The following CEP120 variants were observed in gnomAD, a reference collection of about 807,000 sequenced individuals.
CEP120 encodes centrosomal protein of 120 kDa.
Under a neutral mutation model 126.5 loss-of-function variants are expected in CEP120, and 113 were observed. The ratio of observed to expected loss-of-function variants is 0.89; its 90% CI spans 0.77 to 1.04. The LOEUF is 1.04. CEP120 is among the 50% of genes least tolerant of loss of function. The pLI is 0.00. For synonymous variants in CEP120, 400 were observed against 394.3 expected (o/e 1.01, Z -0.17); for missense variants, 1,230 against 1,155.7 (o/e 1.06, Z -0.93).
At chr5:123,383,148 TC>T in intron 11 of CEP120, 66 bp from the exon 12 acceptor site, 1 of 971,940 alleles carries the variant, frequency 1.0e-6, no homozygotes, top group Non-Finnish European at 1.5e-6. Flanking sequence ...TCCTTTTATT[TC>T]CCCAGTGCTT....
rs753763495 is a variant in CEP120 at position 123,388,529 on chromosome 5, T to A, written c.1333A>T (p.Ile445Phe). Residue 445 changes from isoleucine (I) to phenylalanine (F), a missense_variant, in exon 9 of 20, where the codon ATT becomes TTT. Ile to Phe is a conservative substitution (Grantham distance 21). Transcript: ENST00000306467. ...TGATGTGATGTTGCTGGTACAGCAA[T>A]CTTCTGTCCTGAAGCTACTTCTGAA... Reference protein sequence around the residue: ...NASEVASGQKIAVPATSHHFC... With the variant: ...NASEVASGQKFAVPATSHHFC... 6.9e-5 allele frequency: 111 copies of A among 1,611,208 alleles called. No homozygotes were observed. In the Middle Eastern group the frequency reaches 9.9e-4, roughly 14 times the overall value.
chr5:123,397,823 C>T (rs1772890491), intron 5 of CEP120, among the ~76,000 whole-genome samples: 1 of 152,240 alleles, frequency 6.6e-6, no homozygotes, highest in African/African-American at 2.4e-5. Context: ...GTGGCTCACA[C>T]CTGTAATCCC....
chr5:123,396,710 A>G (rs1329888475), intron 5 of CEP120, among the ~76,000 whole-genome samples: 1 of 152,212 alleles, frequency 6.6e-6, no homozygotes, highest in Non-Finnish European at 1.5e-5. Flanking sequence ...GAGCTAGAAA[A>G]CAGAATGAGA....
chr5:123,354,616 C>T (rs1236854025), intron 18 of CEP120, among the ~76,000 whole-genome samples: 5 of 151,898 alleles, frequency 3.3e-5, no homozygotes, highest in Admixed American at 3.3e-4. Context: ...GGTGGATTAA[C>T]CCCCTTTTAT....
chr5:123,376,298 A>C (rs1771220633), intron 16 of CEP120, among the ~76,000 whole-genome samples: 1 of 152,134 alleles, frequency 6.6e-6, no homozygotes, highest in Non-Finnish European at 1.5e-5. Context: ...GGAACAGAGT[A>C]CACCAGGCCC....
intron 1 of CEP120, among the ~76,000 whole-genome samples, chr5:123,422,006 CCTT>C (rs1227451261): frequency 1.3e-5 from 2 of 152,192 alleles, no homozygotes; most frequent in African/African-American, 2.4e-5. Flanking sequence ...CAAGATGACT[CCTT>C]CTTAACATAC....
intron 18 of CEP120, among the ~76,000 whole-genome samples, chr5:123,353,348 T>C (rs1431447384): frequency 2.0e-5 from 3 of 152,048 alleles, no homozygotes; most frequent in Non-Finnish European, 4.4e-5. Flanking sequence ...CCTTTAATCT[T>C]TGAATGTGGT....
At chr5:123,406,893 T>C (rs1278740611) in intron 4 of CEP120, among the ~76,000 whole-genome samples, 2 of 151,900 alleles carry the variant, frequency 1.3e-5, no homozygotes, top group African/African-American at 2.4e-5. Flanking sequence ...TGTGCACGCA[T>C]GCACATGTGT....
intron 6 of CEP120, among the ~76,000 whole-genome samples, chr5:123,391,707 T>C (rs554622039): frequency 1.3e-5 from 2 of 152,336 alleles, no homozygotes; most frequent in South Asian, 4.1e-4. Flanking sequence ...CATTTTTCTT[T>C]TTCCATTTTA....
Position 123,349,987 on chromosome 5 carries a change from T to C in CEP120, c.2683A>G (p.Thr895Ala). The C allele has an allele frequency of 6.2e-7, 1 of 1,613,808 alleles. No individual in the cohort carries two copies. Among genetic ancestry groups the C allele is most frequent in the Non-Finnish European group, 8.5e-7 (1 of 1,179,886 alleles). ...LAAEEKDTVK[T>A]ERQELLDIRN... is the part of the protein sequence containing the mutation. ...ATATCCAACAATTCTTGTCGCTCGG[T>C]TTTTACTGTATCTTTTTCCTCAGCG... is the stretch of plus-strand genomic sequence containing the variant. The change falls in exon 19 of 20, where the codon ACC becomes GCC. Residue 895 changes from threonine to alanine, a missense_variant. Coordinates refer to ENST00000306467, the MANE Select transcript of CEP120 (RefSeq NM_001375405.1).
intron 18 of CEP120, among the ~76,000 whole-genome samples, chr5:123,359,891 A>C (rs1580642252): frequency 6.6e-6 from 1 of 151,964 alleles, no homozygotes. Flanking sequence ...TCTTCTGGCA[A>C]TGGGCACCAA....
chr5:123,382,636 T>C (rs1771727321), intron 13 of CEP120, 101 bp downstream of exon 13: 1 of 1,050,710 alleles, frequency 9.5e-7, no homozygotes, highest in South Asian at 2.2e-5. Context: ...AGAAGTTAGA[T>C]AAGGTACCTA....
At chr5:123,398,729 A>G (rs1772971833) in intron 5 of CEP120, among the ~76,000 whole-genome samples, 1 of 152,232 alleles carries the variant, frequency 6.6e-6, no homozygotes, top group Non-Finnish European at 1.5e-5. Flanking sequence ...TTATTAGTTT[A>G]TAAACAAGAT....
chr5:123,378,952 C>A (rs918576411), intron 14 of CEP120, among the ~76,000 whole-genome samples: 2 of 151,220 alleles, frequency 1.3e-5, no homozygotes, highest in African/African-American at 2.4e-5. Context: ...GCCAATAAAG[C>A]CAACATGAGG....
chr5:123,372,875 C>T (rs1157212878), intron 16 of CEP120, 103 bp from the exon 17 acceptor site: 2 of 887,758 alleles, frequency 2.3e-6, no homozygotes, highest in Admixed American at 3.2e-5. Context: ...ACAGCATGCT[C>T]ATAGTAGAAA....
At chr5:123,368,771 A>G (rs1299478846) in intron 17 of CEP120, among the ~76,000 whole-genome samples, 1 of 151,956 alleles carries the variant, frequency 6.6e-6, no homozygotes, top group African/African-American at 2.4e-5. Flanking sequence ...GCTTCTATAA[A>G]TGTACACTGG....
intron 18 of CEP120, among the ~76,000 whole-genome samples, chr5:123,361,576 C>G (rs1770077907): frequency 6.6e-6 from 1 of 151,830 alleles, no homozygotes; most frequent in Non-Finnish European, 1.5e-5. Context: ...CCCTTACATA[C>G]TTTTTGCTTC....
At chr5:123,354,481 A>G (rs891861654) in intron 18 of CEP120, among the ~76,000 whole-genome samples, 2 of 151,992 alleles carry the variant, frequency 1.3e-5, no homozygotes, top group African/African-American at 4.8e-5. Context: ...AGTTCTCAGG[A>G]GAGTTATGGT....
chr5:123,354,512 AT>A (rs1225217802), intron 18 of CEP120, among the ~76,000 whole-genome samples: 4 of 151,888 alleles, frequency 2.6e-5, no homozygotes, highest in Admixed American at 2.0e-4. Flanking sequence ...ATCATTATAG[AT>A]TTACCTATTT....
Sources: gnomAD v4.1 joint callset for allele counts (sites outside exome capture counted in the v4.1 genomes callset) on GRCh38, gnomAD v4.1.1 for gene constraint, MANE v1.5 for transcripts, NCBI Gene and HGNC (gene_info 2026-07-23, HGNC 2026-07-21) for gene names.